The following CLSTN2 variants were observed in gnomAD, a reference collection of about 807,000 sequenced individuals.
CLSTN2 encodes the protein calsyntenin 2, also known as calsyntenin-2.
In CLSTN2, 48 loss-of-function variants were observed where a neutral mutation model predicts 101.2. The observed-to-expected ratio is 0.47, with a 90% CI of 0.38 to 0.60. The LOEUF is 0.60. Among genes scored for constraint, CLSTN2 ranks in the 20% least tolerant of loss-of-function variants. The probability of loss-of-function intolerance (pLI) is 0.00; values close to 1 mark genes in which losing one functional copy is unlikely to be tolerated. For missense variants in CLSTN2, 1,160 were observed against 1,238.2 expected (o/e 0.94, Z 0.95); for synonymous variants, 481 against 463.6 (o/e 1.04, Z -0.48).
intron 1 of CLSTN2, among the ~76,000 whole-genome samples, chr3:140,109,897 T>A (rs1047004239): frequency 1.1e-4 from 17 of 152,086 alleles, no homozygotes; most frequent in African/African-American, 4.1e-4. Flanking sequence ...CTGTGGCTTG[T>A]TTTTCCCCAT....
intron 2 of CLSTN2, among the ~76,000 whole-genome samples, chr3:140,292,850 A>G (rs1445695094): frequency 6.6e-6 from 1 of 152,216 alleles, no homozygotes; most frequent in Non-Finnish European, 1.5e-5. Flanking sequence ...GACTAAATAA[A>G]CCACAGCTTT....
chr3:140,226,198 G>A (rs1039893623), intron 2 of CLSTN2, among the ~76,000 whole-genome samples: 2 of 152,124 alleles, frequency 1.3e-5, no homozygotes, highest in African/African-American at 2.4e-5. Flanking sequence ...ACATTTAGTG[G>A]TGCCAGAGAT....
At chr3:140,001,089 T>C (rs1018862112) in intron 1 of CLSTN2, among the ~76,000 whole-genome samples, 1 of 152,186 alleles carries the variant, frequency 6.6e-6, no homozygotes, top group Non-Finnish European at 1.5e-5. Flanking sequence ...CATGCGGAAA[T>C]TGAAGCTTGG....
At chr3:140,037,723 A>G (rs1442365818) in intron 1 of CLSTN2, among the ~76,000 whole-genome samples, 3 of 151,924 alleles carry the variant, frequency 2.0e-5, no homozygotes, top group Non-Finnish European at 2.9e-5. Flanking sequence ...ACTGGCCTCA[A>G]TGTGTGTTGT....
rs148714608 is a variant in CLSTN2, at chr3:140,421,211, C to G, written c.724C>G (p.Pro242Ala). The change falls in exon 5 of 17, where the codon CCC becomes GCC. Residue 242 changes from proline to alanine, a missense_variant. Pro to Ala is a conservative substitution (Grantham distance 27, BLOSUM62 -1). Coordinates refer to ENST00000458420, the MANE Select transcript of CLSTN2 (RefSeq NM_022131.3). ...GACCGCCTACGACTGTGGACAGAAG[C>G]CCGCTGCTCAGGACACCCTGGTGCA... is the stretch of plus-strand genomic sequence containing the variant. ...LVTAYDCGQKPAAQDTLVQVD... is the reference protein window; with the variant it reads ...LVTAYDCGQKAAAQDTLVQVD... 39 of 1,614,168 alleles carry G rather than the reference C, an allele frequency of 2.4e-5. No individual in the cohort carries two copies. In the African/African-American group the frequency reaches 4.7e-4, roughly 19 times the overall value.
intron 5 of CLSTN2, among the ~76,000 whole-genome samples, chr3:140,433,667 G>C (rs2088660103): frequency 6.6e-6 from 1 of 152,236 alleles, no homozygotes; most frequent in African/African-American, 2.4e-5. Context: ...AGAACCCTCA[G>C]ATGTGGCATC....
intron 1 of CLSTN2, among the ~76,000 whole-genome samples, chr3:140,025,456 C>T (rs1221614275): frequency 6.6e-6 from 1 of 152,192 alleles, no homozygotes. Flanking sequence ...TGACCCTCAG[C>T]TTTCCGTCTG....
intron 1 of CLSTN2, among the ~76,000 whole-genome samples, chr3:139,990,368 G>C (rs1002929608): frequency 1.3e-5 from 2 of 152,134 alleles, no homozygotes; most frequent in South Asian, 2.1e-4. Flanking sequence ...AAAATGAAAA[G>C]CAGCCTTAAA....
At chr3:140,335,279 C>G (rs948832833) in intron 2 of CLSTN2, among the ~76,000 whole-genome samples, 3 of 152,210 alleles carry the variant, frequency 2.0e-5, no homozygotes, top group African/African-American at 7.2e-5. Context: ...GAAGTGGAGT[C>G]AAGGCACAAA....
intron 2 of CLSTN2, among the ~76,000 whole-genome samples, chr3:140,193,810 G>A (rs749188304): frequency 2.0e-5 from 3 of 152,030 alleles, no homozygotes; most frequent in Middle Eastern, 6.8e-3. Flanking sequence ...GGTTCCTGAG[G>A]CTCTGTATTT....
Position 140,576,885 on chromosome 3 carries a change from A to T in CLSTN2, c.*10632A>T, listed in dbSNP as rs912207366. The T allele has an allele frequency of 6.6e-6, 1 of 152,248 alleles. No individual in the cohort carries two copies. Among genetic ancestry groups the T allele is most frequent in the Non-Finnish European group, 1.5e-5 (1 of 68,050 alleles). The allele number at this position is 152,248 out of a possible 1,614,324, so 9.4% of individuals were successfully genotyped here. ...TACTATTGTGTATGAGTGTGAAACA[A>T]TGCAGACTTTGGAGTATCTCATTAG... On this transcript the variant is annotated 3_prime_UTR_variant, in exon 17 of 17. Coordinates refer to ENST00000458420, the MANE Select transcript of CLSTN2 (RefSeq NM_022131.3).
chr3:140,560,858 T>C (rs964186046), intron 12 of CLSTN2, among the ~76,000 whole-genome samples: 11 of 152,194 alleles, frequency 7.2e-5, no homozygotes, highest in African/African-American at 1.4e-4. Flanking sequence ...GAAATAAAGA[T>C]GCACATACAG....
At chr3:140,358,020 A>T (rs1244740152) in intron 2 of CLSTN2, among the ~76,000 whole-genome samples, 1 of 152,170 alleles carries the variant, frequency 6.6e-6, no homozygotes, top group Non-Finnish European at 1.5e-5. Context: ...GAGGCTACTC[A>T]TGTCACATGG....
chr3:140,302,944 A>T (rs937351003), intron 2 of CLSTN2, among the ~76,000 whole-genome samples: 1 of 152,104 alleles, frequency 6.6e-6, no homozygotes, highest in African/African-American at 2.4e-5. Flanking sequence ...CAGGACTGTG[A>T]TTCCTCCGCC....
chr3:140,197,876 T>G (rs1196180721), intron 2 of CLSTN2, among the ~76,000 whole-genome samples: 1 of 152,228 alleles, frequency 6.6e-6, no homozygotes, highest in Non-Finnish European at 1.5e-5. Flanking sequence ...GAAAAATTAT[T>G]TCCTTTCTGT....
At chr3:140,392,406 T>C (rs1204383368) in intron 2 of CLSTN2, among the ~76,000 whole-genome samples, 1 of 152,144 alleles carries the variant, frequency 6.6e-6, no homozygotes, top group East Asian at 1.9e-4. Context: ...CAAATAGGAC[T>C]CTAGGTTTTT....
intron 2 of CLSTN2, among the ~76,000 whole-genome samples, chr3:140,394,404 G>C (rs1224354733): frequency 1.3e-5 from 2 of 152,262 alleles, no homozygotes; most frequent in East Asian, 3.9e-4. Context: ...TGTAAAGAAA[G>C]GGACATGACA....
intron 2 of CLSTN2, among the ~76,000 whole-genome samples, chr3:140,305,708 A>G (rs1479122153): frequency 6.6e-6 from 1 of 152,200 alleles, no homozygotes; most frequent in East Asian, 1.9e-4. Flanking sequence ...GCAGCCATGG[A>G]AATTCAGACT....
At chr3:140,124,907 G>A (rs1225270448) in intron 1 of CLSTN2, among the ~76,000 whole-genome samples, 1 of 152,194 alleles carries the variant, frequency 6.6e-6, no homozygotes, top group Non-Finnish European at 1.5e-5. Flanking sequence ...CCAGGGAAGG[G>A]GGAGCAACAA....
Sources: gnomAD v4.1 joint callset for allele counts (sites outside exome capture counted in the v4.1 genomes callset) on GRCh38, gnomAD v4.1.1 for gene constraint, MANE v1.5 for transcripts, NCBI Gene and HGNC (gene_info 2026-07-23, HGNC 2026-07-21) for gene names.